NIPBL: variants seen among roughly 807,000 people sequenced by gnomAD.
The protein encoded by NIPBL is NIPBL cohesin loading factor.
In NIPBL, 19 loss-of-function variants were observed where a neutral mutation model predicts 321.8. The ratio of observed to expected loss-of-function variants is 0.06; its 90% CI spans 0.04 to 0.09. The LOEUF is 0.09. Among genes scored for constraint, NIPBL ranks in the 10% least tolerant of loss-of-function variants. NIPBL has a pLI of 1.00. For missense variants in NIPBL, 2,210 were observed against 3,327.0 expected, an observed-to-expected ratio of 0.66 and a Z score of 8.26; for synonymous variants, 1,106 against 1,114.1, an observed-to-expected ratio of 0.99 and a Z score of 0.14.
intron 1 of NIPBL, among the ~76,000 whole-genome samples, chr5:36,928,780 T>A (rs1056140791): frequency 6.6e-6 from 1 of 152,196 alleles, no homozygotes; most frequent in Non-Finnish European, 1.5e-5. Context: ...ATGTAGTATT[T>A]TGCATCTGGC....
At chr5:36,925,228 T>C (rs1036993010) in intron 1 of NIPBL, among the ~76,000 whole-genome samples, 1 of 152,144 alleles carries the variant, frequency 6.6e-6, no homozygotes, top group African/African-American at 2.4e-5. Flanking sequence ...CCAAATTTAA[T>C]ATTTATTGTC....
In NIPBL at chr5:36,985,407, C is replaced by T. The variant is rs1218778836; in HGVS notation, c.2227C>T (p.Arg743Cys). ...PETPKQKGES[R>C]PETPKQKNEG... ...AACTCCAAAGCAAAAAGGTGAGAGCCGCCCTGAAACTCCAAAGCAAAAAAA... is the reference window on the plus strand; with the variant it reads ...AACTCCAAAGCAAAAAGGTGAGAGCTGCCCTGAAACTCCAAAGCAAAAAAA... Residue 743 changes from arginine (R) to cysteine (C), a missense_variant, in exon 10 of 47, where the codon CGC (arginine) becomes TGC (cysteine). Arg to Cys is a radical substitution (Grantham distance 180, BLOSUM62 -3). Transcript: ENST00000282516. 12 of 1,613,486 alleles carry T rather than the reference C, an allele frequency of 7.4e-6. No homozygotes were observed. Among genetic ancestry groups the T allele is most frequent in the South Asian group, 2.2e-5 (2 of 91,058 alleles).
At chr5:36,889,073 A>C (rs1746129319) in intron 1 of NIPBL, among the ~76,000 whole-genome samples, 1 of 152,112 alleles carries the variant, frequency 6.6e-6, no homozygotes. Context: ...TGAATAAATG[A>C]ATTTGAATAT....
intron 1 of NIPBL, among the ~76,000 whole-genome samples, chr5:36,917,672 CTT>C (rs1414631259): frequency 2.0e-5 from 3 of 152,144 alleles, no homozygotes; most frequent in Admixed American, 2.0e-4. Context: ...ACATTTAAGT[CTT>C]TAATCCTTCT....
At position 37,006,608 on chromosome 5, in the gene NIPBL, A is replaced by C; in HGVS notation, c.4087+20A>C. On this transcript the variant is annotated intron_variant, in intron 17 of 46. Transcript: ENST00000282516. Reference sequence around the variant, plus strand: ...ATGGAGGTTAGTTCGTATAATATCAAAATTATTGTAAATTTTTGCCATGTT... The same window carrying C: ...ATGGAGGTTAGTTCGTATAATATCACAATTATTGTAAATTTTTGCCATGTT... 1 of 1,509,428 alleles carries C rather than the reference A, an allele frequency of 6.6e-7. No homozygotes were observed. Among genetic ancestry groups the C allele is most frequent in the African/African-American group, 1.4e-5 (1 of 72,616 alleles). 93.5% of individuals were successfully genotyped at this position (1,509,428 alleles called of 1,614,324 possible). A position where few individuals can be genotyped will look rare whatever the true frequency, so the allele number is the denominator to read the frequency against.
chr5:37,001,112 C>A, intron 14 of NIPBL, 34 bp downstream of exon 14: 1 of 1,360,836 alleles, frequency 7.3e-7, no homozygotes, highest in South Asian at 1.2e-5. Flanking sequence ...TACACATACT[C>A]TAAGTGTCTT....
chr5:37,057,445 T>G, intron 43 of NIPBL, 113 bp downstream of exon 43: 2 of 1,091,498 alleles, frequency 1.8e-6, no homozygotes, highest in Non-Finnish European at 2.7e-6. Context: ...TATAAAATCT[T>G]TCTAAGTGAA....
At position 36,972,188 on chromosome 5, in the gene NIPBL, G is replaced by C. The variant is rs184107864; in HGVS notation, c.868+147G>C. 22 of 625,672 alleles carry C rather than the reference G, an allele frequency of 3.5e-5. No individual in the cohort carries two copies. In the Admixed American group the frequency reaches 4.9e-4, roughly 14 times the overall value. 38.8% of individuals were successfully genotyped at this position (625,672 alleles called of 1,614,324 possible). A position where few individuals can be genotyped will look rare whatever the true frequency, so the allele number is the denominator to read the frequency against. ...AAATAAACCTGTACAAGCAGGTCTG[G>C]ATCATGGGATTTAAATCTGTCCCTA... On this transcript the variant is annotated intron_variant, in intron 8 of 46. Coordinates refer to ENST00000282516, the MANE Select transcript of NIPBL (RefSeq NM_133433.4).
At chr5:36,991,746 T>G (rs1435161410) in intron 10 of NIPBL, among the ~76,000 whole-genome samples, 2 of 95,608 alleles carry the variant, frequency 2.1e-5, no homozygotes, top group African/African-American at 3.7e-5. Context: ...CCTGCCCAAG[T>G]TTTTTTTTTT....
intron 11 of NIPBL, among the ~76,000 whole-genome samples, chr5:36,997,582 T>G (rs1746279919): frequency 6.6e-6 from 1 of 152,150 alleles, no homozygotes; most frequent in African/African-American, 2.4e-5. Flanking sequence ...CGAAAGGTAA[T>G]ATTTATTTTA....
intron 1 of NIPBL, among the ~76,000 whole-genome samples, chr5:36,907,357 C>A (rs779895411): frequency 1.3e-5 from 2 of 151,936 alleles, no homozygotes; most frequent in African/African-American, 4.8e-5. Flanking sequence ...TTCACAACAC[C>A]CCTGCAAGAC....
intron 1 of NIPBL, among the ~76,000 whole-genome samples, chr5:36,919,846 A>G (rs1431270739): frequency 6.6e-6 from 1 of 152,164 alleles, no homozygotes; most frequent in African/African-American, 2.4e-5. Flanking sequence ...GTCTGCAGCT[A>G]TCAATACCAG....
chr5:36,926,402 A>C (rs1163175088), intron 1 of NIPBL, among the ~76,000 whole-genome samples: 1 of 152,180 alleles, frequency 6.6e-6, no homozygotes, highest in East Asian at 1.9e-4. Context: ...ATAGTTCCAG[A>C]TGGCTTTACC....
At position 37,010,075 on chromosome 5, in the gene NIPBL, TC is replaced by T; in HGVS notation, c.4422-11del. On this transcript the variant is annotated splice_polypyrimidine_tract_variant and intron_variant, in intron 20 of 46. Transcript: ENST00000282516. ...CTTGATACTCCATACAAATTTTTTT[TC>T]TTCATTAAAGGTTAAACAGTAGTGA... 6.2e-7 allele frequency: 1 copy of T among 1,601,184 alleles called. No individual in the cohort carries two copies. The highest frequency in any genetic ancestry group is 1.1e-5 in the South Asian group (1 of 90,762).
At chr5:37,046,801 A>G (rs1753027093) in intron 38 of NIPBL, among the ~76,000 whole-genome samples, 2 of 152,200 alleles carry the variant, frequency 1.3e-5, no homozygotes, top group Admixed American at 1.3e-4. Context: ...AATATGAGGA[A>G]ATAGGAGGTG....
intron 1 of NIPBL, among the ~76,000 whole-genome samples, chr5:36,905,159 C>A (rs1747534855): frequency 6.6e-6 from 1 of 152,168 alleles, no homozygotes; most frequent in Non-Finnish European, 1.5e-5. Context: ...AAAAATTAGT[C>A]AAGAACAGAA....
intron 21 of NIPBL, among the ~76,000 whole-genome samples, chr5:37,013,309 C>T (rs1337841597): frequency 9.3e-5 from 14 of 150,988 alleles, no homozygotes; most frequent in African/African-American, 3.2e-4. Context: ...GACCCCCCCA[C>T]CTCCCTCCCG....
At position 37,032,459 on chromosome 5, in the gene NIPBL, C is replaced by T. The variant is rs1211396383; in HGVS notation, c.5863-3920C>T. 2.1e-5 allele frequency among the ~76,000 whole-genome samples: 3 copies of T among 143,158 alleles called. No homozygotes were observed. In the Admixed American group the frequency reaches 2.2e-4, roughly 10 times the overall value. The allele number at this position is 143,158 out of a possible 152,430, so 93.9% of individuals were successfully genotyped here. A position where few individuals can be genotyped will look rare whatever the true frequency, so the allele number is the denominator to read the frequency against. On this transcript the variant is annotated intron_variant, in intron 32 of 46. Transcript: ENST00000282516. ...TGTGTAGTGTGTGTGTTCATCCCAG[C>T]AGAAAAAATCTTAAAGGTAGGATCC...
chr5:37,036,556 A>C, intron 33 of NIPBL, 69 bp downstream of exon 33: 1 of 621,446 alleles, frequency 1.6e-6, no homozygotes, highest in Non-Finnish European at 2.5e-6. Flanking sequence ...TTTTGAGTAA[A>C]TTTCTCATTT....
Sources: allele counts gnomAD v4.1 joint callset (sites outside exome capture counted in the v4.1 genomes callset), GRCh38; gene constraint gnomAD v4.1.1; transcripts MANE v1.5; gene names NCBI Gene and HGNC (gene_info 2026-07-23, HGNC 2026-07-21).